CEP20: variants seen among roughly 807,000 people sequenced by gnomAD.
CEP20 encodes FGFR1OP N-terminal like.
CEP20 carries 18 observed loss-of-function variants against 20.0 expected under a neutral mutation model. The ratio of observed to expected loss-of-function variants is 0.90; its 90% CI spans 0.62 to 1.34. The LOEUF (loss-of-function observed/expected upper bound fraction) is 1.34, where lower values mean the gene tolerates loss of function less well. Among genes scored for constraint, CEP20 ranks in the 40% most tolerant of loss-of-function variants. CEP20 has a pLI of 0.00. For synonymous variants in CEP20, 77 were observed against 73.7 expected (o/e 1.04, Z -0.23); for missense variants, 215 against 201.6 (o/e 1.07, Z -0.40).
intron 4 of CEP20, 132 bp downstream of exon 4, chr16:15,873,359 T>G: frequency 9.2e-7 from 1 of 1,081,248 alleles, no homozygotes; most frequent in East Asian, 2.7e-5. Context: ...TGGAGTAACA[T>G]AGGCTAGACA....
chr16:15,887,745 T>C (rs186521346), intron 1 of CEP20, among the ~76,000 whole-genome samples: 2 of 152,110 alleles, frequency 1.3e-5, no homozygotes, highest in African/African-American at 4.8e-5. Context: ...GCTTAGAGTA[T>C]CTTTTCCTGA....
intron 4 of CEP20, among the ~76,000 whole-genome samples, chr16:15,870,564 A>G (rs76506688): frequency 2.0e-5 from 3 of 152,322 alleles, no homozygotes; most frequent in Non-Finnish European, 2.9e-5. Context: ...TTACATCACA[A>G]TACCGTAAAA....
At chr16:15,874,442 A>G (rs1421692789) in intron 3 of CEP20, among the ~76,000 whole-genome samples, 1 of 152,188 alleles carries the variant, frequency 6.6e-6, no homozygotes, top group Non-Finnish European at 1.5e-5. Flanking sequence ...TCCCCCAGAT[A>G]GTAAACAAAG....
chr16:15,867,780 C>T (rs2044715448), intron 4 of CEP20, among the ~76,000 whole-genome samples: 1 of 152,032 alleles, frequency 6.6e-6, no homozygotes, highest in Non-Finnish European at 1.5e-5. Context: ...ATAGACTAGT[C>T]TGGCCAACAT....
chr16:15,868,228 C>A (rs2044732829), intron 4 of CEP20, among the ~76,000 whole-genome samples: 1 of 151,808 alleles, frequency 6.6e-6, no homozygotes, highest in South Asian at 2.1e-4. Flanking sequence ...AATAGATCAC[C>A]TGAGGTCAGG....
chr16:15,888,528 C>T (rs2045301209), intron 1 of CEP20, 30 bp downstream of exon 1: 1 of 1,614,010 alleles, frequency 6.2e-7, no homozygotes, highest in Non-Finnish European at 8.5e-7. Context: ...CCGACGCTTC[C>T]CATGTGGAGG....
chr16:15,870,700 G>A (rs967567741), intron 4 of CEP20, among the ~76,000 whole-genome samples: 13 of 151,860 alleles, frequency 8.6e-5, no homozygotes, highest in Non-Finnish European at 1.6e-4. Context: ...CTATAGTCCC[G>A]GCTACTTGGG....
rs138745114 is a variant in CEP20 at position 15,873,467 on chromosome 16, T to C, written c.448+24A>G. 1.3e-4 allele frequency: 204 copies of C among 1,596,630 alleles called. No individual in the cohort carries two copies. The African/African-American group carries it at 2.5e-3, about 19-fold the overall frequency. ...GAAAACATATTTGCTGACAGCTAAA[T>C]GATGAATCTTGGAAAACTCATACCC... On this transcript the variant is annotated intron_variant, in intron 4 of 4. Transcript: ENST00000255759.
At chr16:15,874,178 T>C (rs1239411727) in intron 3 of CEP20, among the ~76,000 whole-genome samples, 2 of 152,240 alleles carry the variant, frequency 1.3e-5, no homozygotes, top group Non-Finnish European at 2.9e-5. Context: ...TATAGGGCTG[T>C]TATGCACTAA....
chr16:15,877,153 TC>T (rs2044974098), intron 3 of CEP20: 1 of 152,364 alleles, frequency 6.6e-6, no homozygotes, highest in African/African-American at 2.4e-5. Flanking sequence ...CGCCCGGCCT[TC>T]TTTTTTAAAA....
intron 3 of CEP20, chr16:15,877,018 A>G (rs555326037): frequency 6.6e-6 from 1 of 151,726 alleles, no homozygotes; most frequent in East Asian, 1.9e-4. Flanking sequence ...TTGCCCGGCT[A>G]ATTTTTTGTA....
At chr16:15,881,643 C>G (rs2045100055) in intron 2 of CEP20, among the ~76,000 whole-genome samples, 3 of 151,960 alleles carry the variant, frequency 2.0e-5, no homozygotes, top group Admixed American at 2.0e-4. Context: ...TCAGACCAAC[C>G]CCCAGCTGCA....
At chr16:15,886,661 C>T (rs1186062202) in intron 1 of CEP20, among the ~76,000 whole-genome samples, 2 of 152,142 alleles carry the variant, frequency 1.3e-5, no homozygotes, top group Non-Finnish European at 2.9e-5. Flanking sequence ...ATAATGAGCT[C>T]TACCTCTCAG....
chr16:15,884,252 C>A, intron 1 of CEP20, 47 bp from the exon 2 acceptor site: 3 of 1,515,482 alleles, frequency 2.0e-6, no homozygotes, highest in Admixed American at 2.0e-5. Flanking sequence ...GTAAATTTGT[C>A]ATTCTTAGGC....
intron 4 of CEP20, among the ~76,000 whole-genome samples, chr16:15,870,568 C>T (rs767644670): frequency 4.4e-4 from 67 of 151,842 alleles, no homozygotes; most frequent in Non-Finnish European, 7.6e-4. Flanking sequence ...ATCACAATAC[C>T]GTAAAAGCAA....
At position 15,866,642 on chromosome 16, in the gene CEP20, C is replaced by A. The variant is rs753150410; in HGVS notation, c.*798G>T. 6.6e-6 allele frequency: 1 copy of A among 152,166 alleles called. No homozygotes were observed. Among genetic ancestry groups the A allele is most frequent in the African/African-American group, 2.4e-5 (1 of 41,442 alleles). The allele number at this position is 152,166 out of a possible 1,614,324, so 9.4% of individuals were successfully genotyped here. On this transcript the variant is annotated 3_prime_UTR_variant, in exon 5 of 5. Transcript: ENST00000255759. ...TGTGATTGCACAACCGAGGGCCACA[C>A]GGAGATTAAACAATGCCATCTTTGA...
chr16:15,884,297 T>C (rs1323559227), intron 1 of CEP20, 92 bp from the exon 2 acceptor site: 1 of 1,165,530 alleles, frequency 8.6e-7, no homozygotes, highest in Non-Finnish European at 1.2e-6. Context: ...AGGTAAATGG[T>C]ACAAAAACAG....
Position 15,879,957 on chromosome 16 carries a change from A to C in CEP20, c.227-69T>G, listed in dbSNP as rs2045061325. The C allele has an allele frequency of 7.4e-6, 8 of 1,081,232 alleles. No homozygotes were observed. In the South Asian group the frequency reaches 1.1e-4, roughly 15 times the overall value. The allele number at this position is 1,081,232 out of a possible 1,614,324, so 67.0% of individuals were successfully genotyped here. Reference sequence around the variant, plus strand: ...AAAAGCAAATAAGATTTTGAAAAGAATCACATTTACCAGACATACACTTTT... The same window carrying C: ...AAAAGCAAATAAGATTTTGAAAAGACTCACATTTACCAGACATACACTTTT... On this transcript the variant is annotated intron_variant, in intron 2 of 4. Coordinates refer to ENST00000255759, the MANE Select transcript of CEP20 (RefSeq NM_144600.4).
chr16:15,867,715 G>A (rs2044714064), intron 4 of CEP20, among the ~76,000 whole-genome samples, 199 bp from the exon 5 acceptor site: 1 of 152,156 alleles, frequency 6.6e-6, no homozygotes, highest in African/African-American at 2.4e-5. Context: ...GCTCACGCCT[G>A]TAATCCCAGT....
Sources: allele counts gnomAD v4.1 joint callset (sites outside exome capture counted in the v4.1 genomes callset), GRCh38; gene constraint gnomAD v4.1.1; transcripts MANE v1.5; gene names NCBI Gene and HGNC (gene_info 2026-07-23, HGNC 2026-07-21).